The following VPS41 variants were observed in gnomAD, a reference collection of about 807,000 sequenced individuals.
VPS41 encodes the protein VPS41 subunit of HOPS complex.
VPS41 carries 85 observed loss-of-function variants against 130.9 expected under a neutral mutation model. The observed-to-expected ratio is 0.65, with a 90% CI of 0.55 to 0.78. The LOEUF (loss-of-function observed/expected upper bound fraction) is 0.78, where lower values mean the gene tolerates loss of function less well. Ranked by LOEUF, VPS41 falls within the 30% of genes least tolerant of loss-of-function variation. The probability of loss-of-function intolerance (pLI) is 0.00; values close to 1 mark genes in which losing one functional copy is unlikely to be tolerated. For missense variants in VPS41, 874 were observed against 1,018.7 expected, an observed-to-expected ratio of 0.86 and a Z score of 1.93; for synonymous variants, 335 against 332.9, an observed-to-expected ratio of 1.01 and a Z score of -0.07.
intron 5 of VPS41, among the ~76,000 whole-genome samples, chr7:38,825,268 A>T (rs190105025): frequency 2.6e-5 from 4 of 152,334 alleles, no homozygotes; most frequent in Admixed American, 2.6e-4. Context: ...ATTCTATTTC[A>T]ATATAAAAAA....
intron 3 of VPS41, among the ~76,000 whole-genome samples, chr7:38,867,784 T>C (rs146926643): frequency 0.01 from 1,554 of 152,142 alleles, 6 homozygotes; most frequent in Non-Finnish European, 0.014. Flanking sequence ...TTTACCTAGG[T>C]GTGTGAGTCT....
chr7:38,823,712 G>C (rs144586821), intron 5 of VPS41, among the ~76,000 whole-genome samples: 433 of 152,168 alleles, frequency 2.8e-3, no homozygotes, highest in African/African-American at 8.8e-3. Flanking sequence ...TTATATACTT[G>C]TGCCAAGTTT....
intron 27 of VPS41, among the ~76,000 whole-genome samples, chr7:38,727,859 TTC>T (rs1435180990): frequency 2.6e-5 from 4 of 152,238 alleles, no homozygotes; most frequent in Admixed American, 2.6e-4. Flanking sequence ...TGCAAATTTC[TTC>T]TGTCATAATA....
At chr7:38,885,735 T>C (rs1351482856) in intron 2 of VPS41, among the ~76,000 whole-genome samples, 1 of 152,210 alleles carries the variant, frequency 6.6e-6, no homozygotes, top group Non-Finnish European at 1.5e-5. Context: ...GTGAGATGAA[T>C]CCAGTGTTGG....
chr7:38,869,248 T>C lies in VPS41; in HGVS notation c.66A>G (p.Glu22=). Reference sequence around the variant, plus strand: ...TCAGCTTGGGTTCCTCTTCGCTCTCTTCTTCCTGCACAAACGGCAAAGAAA... The same window carrying C: ...TCAGCTTGGGTTCCTCTTCGCTCTCCTCTTCCTGCACAAACGGCAAAGAAA... ...LEESTDESEE[E]ESEEEPKLKY... Residue 22 remains glutamate, a synonymous_variant, in exon 3 of 29, where the codon GAA becomes GAG. Coordinates refer to ENST00000310301, the MANE Select transcript of VPS41 (RefSeq NM_014396.4). 6.2e-7 allele frequency: 1 copy of C among 1,607,590 alleles called. No homozygotes were observed. Among genetic ancestry groups the C allele is most frequent in the Non-Finnish European group, 8.5e-7 (1 of 1,177,014 alleles).
At chr7:38,776,562 A>G (rs1784262046) in intron 11 of VPS41, 117 bp downstream of exon 11, 2 of 570,620 alleles carry the variant, frequency 3.5e-6, no homozygotes, top group South Asian at 2.5e-5. Context: ...ACCTTATTTT[A>G]TAGGTCAGAA....
In VPS41 at chr7:38,830,247, G is replaced by A. The variant is rs1186573143; in HGVS notation, c.321+7C>T. On this transcript the variant is annotated splice_region_variant and intron_variant, in intron 5 of 28. Coordinates refer to ENST00000310301, the MANE Select transcript of VPS41 (RefSeq NM_014396.4). ...GAACTCTCTGCATGACCACATCTTT[G>A]CCATACCTTGCCATCCTCTGAACAC... The A allele has an allele frequency of 1.2e-6, 2 of 1,601,868 alleles. No homozygotes were observed. Among genetic ancestry groups the A allele is most frequent in the East Asian group, 4.5e-5 (2 of 44,810 alleles).
intron 10 of VPS41, among the ~76,000 whole-genome samples, chr7:38,779,514 T>C (rs1784320270): frequency 6.6e-6 from 1 of 152,246 alleles, no homozygotes; most frequent in Non-Finnish European, 1.5e-5. Context: ...GGTAATGATA[T>C]CATGCAAAAA....
At chr7:38,865,683 G>A (rs527466924) in intron 3 of VPS41, among the ~76,000 whole-genome samples, 37 of 152,274 alleles carry the variant, frequency 2.4e-4, no homozygotes, top group African/African-American at 8.2e-4. Context: ...ACCATTTTAG[G>A]CAGAGTGGCT....
chr7:38,892,993 G>A (rs1584450078), intron 2 of VPS41, among the ~76,000 whole-genome samples: 1 of 152,006 alleles, frequency 6.6e-6, no homozygotes, highest in Non-Finnish European at 1.5e-5. Context: ...ATCTCTTATG[G>A]GGACTTCCAT....
Position 38,727,597 on chromosome 7 carries a change from G to A in VPS41, c.2405-609C>T, listed in dbSNP as rs142251151. ...TTTTTGCTGCAACACTGTCTGAAATGCTATGGAAGCTCACTTCTTCACCTG... is the reference window on the plus strand; with the variant it reads ...TTTTTGCTGCAACACTGTCTGAAATACTATGGAAGCTCACTTCTTCACCTG... On this transcript the variant is annotated intron_variant, in intron 27 of 28. Coordinates refer to ENST00000310301, the MANE Select transcript of VPS41 (RefSeq NM_014396.4). Among the ~76,000 whole-genome samples the A allele has an allele frequency of 2.4e-4, 37 of 152,304 alleles. No homozygotes were observed. The East Asian group carries it at 6.8e-3, about 28-fold the overall frequency.
chr7:38,809,259 C>T (rs560085675), intron 7 of VPS41, among the ~76,000 whole-genome samples: 12 of 150,750 alleles, frequency 8.0e-5, no homozygotes, highest in East Asian at 5.8e-4. Flanking sequence ...CCGAGGCAGG[C>T]GGATCACGAG....
At chr7:38,810,323 T>C (rs1784918877) in intron 7 of VPS41, among the ~76,000 whole-genome samples, 3 of 152,208 alleles carry the variant, frequency 2.0e-5, no homozygotes, top group Admixed American at 2.0e-4. Flanking sequence ...GCCAGAACTT[T>C]GAAAAGGAAA....
chr7:38,861,593 T>C (rs1786115491), intron 4 of VPS41, among the ~76,000 whole-genome samples: 1 of 152,196 alleles, frequency 6.6e-6, no homozygotes, highest in Admixed American at 6.5e-5. Flanking sequence ...AAACAAGGCA[T>C]CCCTTTTTCT....
chr7:38,837,932 A>C (rs1324815549), intron 4 of VPS41, among the ~76,000 whole-genome samples: 1 of 152,216 alleles, frequency 6.6e-6, no homozygotes, highest in African/African-American at 2.4e-5. Flanking sequence ...GAAATTCATT[A>C]ATCTAAAAAC....
chr7:38,767,871 C>T (rs916130362), intron 14 of VPS41, among the ~76,000 whole-genome samples: 4 of 152,072 alleles, frequency 2.6e-5, no homozygotes, highest in Admixed American at 1.3e-4. Context: ...AATCTGCCCC[C>T]TTTAAGACAT....
At chr7:38,789,096 T>C (rs933929474) in intron 10 of VPS41, among the ~76,000 whole-genome samples, 1 of 152,178 alleles carries the variant, frequency 6.6e-6, no homozygotes, top group Non-Finnish European at 1.5e-5. Context: ...GGCATACTTC[T>C]CCTGAACAGC....
chr7:38,852,280 G>A (rs542801499), intron 4 of VPS41, among the ~76,000 whole-genome samples: 10 of 152,184 alleles, frequency 6.6e-5, no homozygotes, highest in East Asian at 3.9e-4. Flanking sequence ...CAGACCTCCC[G>A]GCATCACCTC....
intron 19 of VPS41, among the ~76,000 whole-genome samples, chr7:38,755,223 C>A (rs78184160): frequency 6.6e-6 from 1 of 151,788 alleles, no homozygotes; most frequent in Non-Finnish European, 1.5e-5. Flanking sequence ...CCTAGCCCCC[C>A]GCCCTCCGAT....
Sources: gnomAD v4.1 joint callset for allele counts (sites outside exome capture counted in the v4.1 genomes callset) on GRCh38, gnomAD v4.1.1 for gene constraint, MANE v1.5 for transcripts, NCBI Gene and HGNC (gene_info 2026-07-23, HGNC 2026-07-21) for gene names.